Variants in TSHR observed in about 807,000 individuals in gnomAD.
The protein encoded by TSHR is thyrotropin receptor.
Under a neutral mutation model 64.1 loss-of-function variants are expected in TSHR, and 51 were observed. That is an observed-to-expected ratio of 0.80 (90% confidence interval 0.64 to 1.01). The LOEUF is 1.01. TSHR is among the 50% of genes least tolerant of loss of function. The pLI is 0.00. For missense variants in TSHR, 877 were observed against 942.8 expected (o/e 0.93, Z 0.91); for synonymous variants, 361 against 361.9 (o/e 1.00, Z 0.03).
At position 81,012,210 on chromosome 14, in the gene TSHR, G is replaced by A. The variant is rs1248638434; in HGVS notation, c.171-49938G>A. 14 of 151,368 alleles carry A rather than the reference G, an allele frequency of 9.2e-5. 1 individual carries two copies. The East Asian group carries it at 1.8e-3, about 19-fold the overall frequency. 9.4% of individuals were successfully genotyped at this position (151,368 alleles called of 1,614,324 possible). ...GCGGTGTTTGGTTTTTTGTTCTTGCGATAGTTTACTAAGAATGATGATTTC... is the reference window on the plus strand; with the variant it reads ...GCGGTGTTTGGTTTTTTGTTCTTGCAATAGTTTACTAAGAATGATGATTTC... On this transcript the variant is annotated intron_variant, in intron 1 of 9. Transcript: ENST00000298171.
intron 2 of TSHR, among the ~76,000 whole-genome samples, chr14:81,067,263 C>T (rs1167009333): frequency 1.3e-5 from 2 of 151,816 alleles, no homozygotes; most frequent in African/African-American, 2.4e-5. Context: ...TTTTCTGATG[C>T]TCATGTTTTT....
At chr14:81,058,778 T>C (rs142261256) in intron 1 of TSHR, among the ~76,000 whole-genome samples, 1 of 152,336 alleles carries the variant, frequency 6.6e-6, no homozygotes, top group Middle Eastern at 3.4e-3. Flanking sequence ...CAAAATGTAT[T>C]CTGAAATTAA....
At chr14:81,006,107 T>C (rs9672121) in intron 1 of TSHR, among the ~76,000 whole-genome samples, 2 of 152,100 alleles carry the variant, frequency 1.3e-5, no homozygotes, top group African/African-American at 4.8e-5. Context: ...TTCATGCCTT[T>C]AAAATAAACT....
At chr14:81,045,773 AT>A (rs2139856061) in intron 1 of TSHR, among the ~76,000 whole-genome samples, 1 of 152,352 alleles carries the variant, frequency 6.6e-6, no homozygotes, top group Non-Finnish European at 1.5e-5. Flanking sequence ...TATACTGGGT[AT>A]TTTGGTTACC....
At position 81,105,666 on chromosome 14, in the gene TSHR, T is replaced by C. The variant is rs145209827; in HGVS notation, c.615-2709T>C. On this transcript the variant is annotated intron_variant, in intron 7 of 9. Coordinates refer to ENST00000298171, the MANE Select transcript of TSHR (RefSeq NM_000369.5). The stretch of plus-strand genomic sequence containing the variant: ...TCCTTATCCTCAGGAGTATATTAAA[T>C]ATCAGATGAAAACACTGCAGAATTG... Among the ~76,000 whole-genome samples, 965 of 152,310 alleles carry C rather than the reference T, an allele frequency of 6.3e-3. 14 individuals are homozygous for C. Among genetic ancestry groups the C allele is most frequent in the South Asian group, 0.027 (131 of 4,824 alleles).
intron 1 of TSHR, among the ~76,000 whole-genome samples, chr14:81,031,670 T>C (rs1442775292): frequency 1.3e-5 from 2 of 152,130 alleles, no homozygotes; most frequent in Admixed American, 1.3e-4. Flanking sequence ...AGTGGATCTA[T>C]CCCATGCTCC....
intron 1 of TSHR, among the ~76,000 whole-genome samples, chr14:81,026,368 G>A (rs144459813): frequency 2.9e-4 from 44 of 152,210 alleles, no homozygotes; most frequent in African/African-American, 7.2e-4. Flanking sequence ...ATATGCACAC[G>A]CATGCAAACA....
chr14:81,026,037 C>T (rs947952749), intron 1 of TSHR, among the ~76,000 whole-genome samples: 2 of 152,140 alleles, frequency 1.3e-5, no homozygotes, highest in African/African-American at 4.8e-5. Flanking sequence ...CCACAAGAAA[C>T]CCCTCCAATG....
chr14:81,087,813 G>T, intron 3 of TSHR, 141 bp from the exon 4 acceptor site: 1 of 727,006 alleles, frequency 1.4e-6, no homozygotes, highest in East Asian at 2.7e-5. Flanking sequence ...ACCCCTGGCA[G>T]CTACAGCCCC....
chr14:81,096,675 A>AT lies in TSHR; in HGVS notation c.583dup (p.Tyr195LeufsTer17). The AT allele has an allele frequency of 1.2e-6, 2 of 1,613,884 alleles. No individual in the cohort carries two copies. Among genetic ancestry groups the AT allele is most frequent in the Non-Finnish European group, 1.7e-6 (2 of 1,179,800 alleles). The stretch of plus-strand genomic sequence containing the variant: ...ACAATGGCTTTACTTCAGTCCAAGG[A>AT]TATGCTTTCAATGGGACAAAGCTGG... On this transcript the variant is annotated frameshift_variant, in exon 7 of 10. Coordinates refer to ENST00000298171, the MANE Select transcript of TSHR (RefSeq NM_000369.5). LOFTEE classifies it high-confidence loss of function.
chr14:81,124,983 A>G (rs919451085), intron 8 of TSHR, among the ~76,000 whole-genome samples: 4 of 152,152 alleles, frequency 2.6e-5, no homozygotes, highest in African/African-American at 9.7e-5. Flanking sequence ...TGGTCCATTT[A>G]CTCACTTATT....
intron 7 of TSHR, among the ~76,000 whole-genome samples, chr14:81,096,923 G>GGT (rs147149121): frequency 0.21 from 31,573 of 147,860 alleles, 3,353 homozygotes; most frequent in African/African-American, 0.26. Context: ...TTTTCTCCCT[G>GGT]GTGTGTGTGT....
chr14:81,056,869 G>A (rs774494126), intron 1 of TSHR, among the ~76,000 whole-genome samples: 1 of 152,116 alleles, frequency 6.6e-6, no homozygotes, highest in Admixed American at 6.5e-5. Flanking sequence ...TGTATCATTT[G>A]TAAATAATTT....
intron 4 of TSHR, among the ~76,000 whole-genome samples, chr14:81,088,725 A>G (rs1221903596): frequency 6.6e-6 from 1 of 152,212 alleles, no homozygotes; most frequent in Non-Finnish European, 1.5e-5. Flanking sequence ...AACAAAGAGT[A>G]TGAAGAAGAA....
At chr14:80,960,234 G>A (rs979505494) in intron 1 of TSHR, among the ~76,000 whole-genome samples, 17 of 152,294 alleles carry the variant, frequency 1.1e-4, no homozygotes, top group East Asian at 1.9e-4. Flanking sequence ...ATAATCTCAC[G>A]TACCTCCAAG....
At chr14:80,957,396 C>T (rs1410832171) in intron 1 of TSHR, among the ~76,000 whole-genome samples, 1 of 151,872 alleles carries the variant, frequency 6.6e-6, no homozygotes, top group Admixed American at 6.6e-5. Context: ...ACAAGCTTCT[C>T]TAACATAGGG....
At chr14:80,983,987 T>C (rs1420756088) in intron 1 of TSHR, among the ~76,000 whole-genome samples, 1 of 152,164 alleles carries the variant, frequency 6.6e-6, no homozygotes, top group Non-Finnish European at 1.5e-5. Flanking sequence ...AAAGAAAACA[T>C]CCTTGAATTT....
intron 1 of TSHR, among the ~76,000 whole-genome samples, chr14:80,956,571 T>G (rs1323322158): frequency 2.0e-5 from 3 of 152,224 alleles, no homozygotes; most frequent in Admixed American, 6.5e-5. Context: ...AAATCAGTGA[T>G]CATTGAAATT....
chr14:81,009,950 T>G (rs1319821250), intron 1 of TSHR, among the ~76,000 whole-genome samples: 3 of 152,112 alleles, frequency 2.0e-5, no homozygotes, highest in African/African-American at 7.2e-5. Flanking sequence ...ACCAGATAGT[T>G]CCAAATTACT....
Sources: allele counts gnomAD v4.1 joint callset (sites outside exome capture counted in the v4.1 genomes callset), GRCh38; gene constraint gnomAD v4.1.1; transcripts MANE v1.5; gene names NCBI Gene and HGNC (gene_info 2026-07-23, HGNC 2026-07-21).